Variants in FAM186B observed in about 807,000 individuals in gnomAD.
FAM186B encodes the protein family with sequence similarity 186 member B.
Under a neutral mutation model 83.4 loss-of-function variants are expected in FAM186B, and 68 were observed. The observed-to-expected ratio is 0.81, with a 90% CI of 0.67 to 1.00. The LOEUF (loss-of-function observed/expected upper bound fraction) is 1.00, where lower values mean the gene tolerates loss of function less well. Ranked by LOEUF, FAM186B falls within the 50% of genes least tolerant of loss-of-function variation. The pLI, the probability that FAM186B is intolerant of heterozygous loss-of-function variation, is 0.00. For missense variants in FAM186B, 983 were observed against 1,099.2 expected (o/e 0.89, Z 1.49); for synonymous variants, 389 against 422.0 (o/e 0.92, Z 0.96).
chr12:49,584,701 C>T (rs1408103762), downstream of FAM186B: 6 of 693,192 alleles, frequency 8.7e-6, no homozygotes, highest in Non-Finnish European at 1.3e-5. Flanking sequence ...TGAGCACTTC[C>T]CAGAGCCAAG....
chr12:49,600,406 T>G lies in FAM186B; in HGVS notation c.1234A>C (p.Ser412Arg). The change falls in exon 4 of 7, where the codon AGC (serine) becomes CGC (arginine). Residue 412 changes from serine (S) to arginine (R), a missense_variant. Physicochemically the swap from Ser to Arg is moderately radical, Grantham distance 110 (BLOSUM62 -1). Coordinates refer to ENST00000257894, the MANE Select transcript of FAM186B (RefSeq NM_032130.3). This position sits in a 1 kb window ranked among gnomAD's most constrained non-coding sequence, Gnocchi z 4.3. ...AAGGGTAAAAGCACAGGCTCAAGGCTCTCAGTGTCCTTGCTGCCGAACACA... is the reference window on the plus strand; with the variant it reads ...AAGGGTAAAAGCACAGGCTCAAGGCGCTCAGTGTCCTTGCTGCCGAACACA... ...ADVFGSKDTESLEPVLLPLVD... is the reference protein window; with the variant it reads ...ADVFGSKDTERLEPVLLPLVD... The G allele has an allele frequency of 6.2e-7, 1 of 1,613,964 alleles. No individual in the cohort carries two copies. Among genetic ancestry groups the G allele is most frequent in the Non-Finnish European group, 8.5e-7 (1 of 1,179,912 alleles).
At chr12:49,584,650 A>C, downstream of FAM186B, 1 of 702,050 alleles carries the variant, frequency 1.4e-6, no homozygotes, top group Admixed American at 2.0e-5. Flanking sequence ...TGGGGGAGTA[A>C]CTGAGACAAG....
At chr12:49,594,642 A>C (rs1939670829) in intron 5 of FAM186B, among the ~76,000 whole-genome samples, 1 of 152,234 alleles carries the variant, frequency 6.6e-6, no homozygotes, top group Admixed American at 6.5e-5. Context: ...TGGGAGGCCA[A>C]GGTGGGTGGA....
At chr12:49,613,229 T>C in the FAM186B span, among the ~76,000 whole-genome samples, 1 of 152,118 alleles carries the variant, frequency 6.6e-6, no homozygotes, top group South Asian at 2.1e-4. Flanking sequence ...AATGCCTACC[T>C]CAAAAAGTTA....
Position 49,588,486 on chromosome 12 carries a change from C to T in FAM186B, c.2502G>A (p.Arg834=). The change falls in exon 6 of 7, where the codon AGG becomes AGA. Residue 834 remains arginine (R), a synonymous_variant. Coordinates refer to ENST00000257894, the MANE Select transcript of FAM186B (RefSeq NM_032130.3). ...GPTYKQPFLS[R]HRACVPLQMA... ...TCTGCAGGGGCACACATGCCCGGTG[C>T]CTAGACAGAAAGGGCTGCTTGTAGG... is the stretch of plus-strand genomic sequence containing the variant. 3.7e-6 allele frequency: 6 copies of T among 1,613,328 alleles called. No homozygotes were observed. The South Asian group carries it at 5.5e-5, about 15-fold the overall frequency.
At chr12:49,614,885 C>T in the FAM186B span, among the ~76,000 whole-genome samples, 9 of 152,096 alleles carry the variant, frequency 5.9e-5, no homozygotes, top group Non-Finnish European at 1.2e-4. Flanking sequence ...AATTCCAGCC[C>T]TTTGGGAGGC....
chr12:49,614,105 G>T, the FAM186B span, among the ~76,000 whole-genome samples: 2 of 149,124 alleles, frequency 1.3e-5, no homozygotes, highest in Admixed American at 6.7e-5. Context: ...AGCTGAGATT[G>T]TGCCATTGCA....
At chr12:49,596,201 ATTTCT>A (rs1023030755) in intron 5 of FAM186B, among the ~76,000 whole-genome samples, 1 of 151,610 alleles carries the variant, frequency 6.6e-6, no homozygotes, top group Non-Finnish European at 1.5e-5. Context: ...GTGTCTGTAC[ATTTCT>A]TTTTTTTAAT....
chr12:49,619,109 C>T, the FAM186B span, among the ~76,000 whole-genome samples: 50 of 152,338 alleles, frequency 3.3e-4, no homozygotes, highest in African/African-American at 1.1e-3. Flanking sequence ...CATTACCCAG[C>T]CAAACAACCA....
In FAM186B at chr12:49,601,088, CTG is replaced by C. The variant is rs1939883367; in HGVS notation, c.550_551del (p.Gln184AspfsTer103). 1.3e-6 allele frequency: 2 copies of C among 1,593,218 alleles called. No individual in the cohort carries two copies. The highest frequency in any genetic ancestry group is 2.3e-5 in the South Asian group (2 of 88,726). ...GTGGCTGAGGATGGGATGGAGATGT[CTG>C]TGGGCTTCTTCCCTGCCAGCCCTGC... ...FWQGWQGRSP[Q>X]TSPSHPQPLS... On this transcript the variant is annotated frameshift_variant, in exon 4 of 7. Transcript: ENST00000257894. LOFTEE classifies it high-confidence loss of function.
In FAM186B at chr12:49,605,584, G is replaced by A. The variant is rs1170560792; in HGVS notation, c.-107C>T. ...TTAAGGGCACCAGGGTGTCTCCTGG[G>A]TACCCTCTGCCCAGGCACAGCTCCT... On this transcript the variant is annotated 5_prime_UTR_variant, in exon 1 of 7. Coordinates refer to ENST00000257894, the MANE Select transcript of FAM186B (RefSeq NM_032130.3). 4 of 1,243,804 alleles carry A rather than the reference G, an allele frequency of 3.2e-6. No individual in the cohort carries two copies. The South Asian group carries it at 4.5e-5, about 14-fold the overall frequency. The allele number at this position is 1,243,804 out of a possible 1,614,324, so 77.0% of individuals were successfully genotyped here. A position where few individuals can be genotyped will look rare whatever the true frequency, so the allele number is the denominator to read the frequency against.
At chr12:49,605,186 G>A (rs1317293203) in intron 1 of FAM186B, 196 bp downstream of exon 1, 5 of 1,404,770 alleles carry the variant, frequency 3.6e-6, no homozygotes, top group Non-Finnish European at 4.6e-6. Flanking sequence ...CAGGCGGGTG[G>A]TTGCTTTCAG....
At chr12:49,605,089 T>G in intron 1 of FAM186B, 3 of 998,288 alleles carry the variant, frequency 3.0e-6, no homozygotes, top group Non-Finnish European at 3.9e-6. Context: ...TCCTTTCTCC[T>G]GCCCTCTAAA....
intron 5 of FAM186B, among the ~76,000 whole-genome samples, chr12:49,592,352 A>G (rs1298435811): frequency 6.6e-6 from 1 of 151,976 alleles, no homozygotes; most frequent in African/African-American, 2.4e-5. Context: ...TGCACCTATA[A>G]TCTCAGCTAC....
chr12:49,587,432 G>A (rs1008199754), downstream of FAM186B: 7 of 858,140 alleles, frequency 8.2e-6, no homozygotes, highest in Non-Finnish European at 1.3e-5. Context: ...TGGGGACCCC[G>A]CTTACAGCCG....
chr12:49,600,997 TG>T lies in FAM186B; in HGVS notation c.642del (p.Met215CysfsTer33). ...TMNTKASEVTSMLQELLDSTM... is the reference protein window; with the variant it reads ...TMNTKASEVTXMLQELLDSTM... ...GTAGAGTCCAGGAGCTCCTGCAGCA[TG>T]GACGTCACCTCCGAGGCCTTCGTGT... On this transcript the variant is annotated frameshift_variant, in exon 4 of 7. Transcript: ENST00000257894. LOFTEE classifies it high-confidence loss of function. This position sits in a 1 kb window ranked among gnomAD's most constrained non-coding sequence, Gnocchi z 4.3. The T allele has an allele frequency of 5.6e-6, 9 of 1,614,174 alleles. No individual in the cohort carries two copies. The highest frequency in any genetic ancestry group is 7.6e-6 in the Non-Finnish European group (9 of 1,180,014).
At position 49,594,827 on chromosome 12, in the gene FAM186B, A is replaced by C. The variant is rs192488157; in HGVS notation, c.2364+3928T>G. On this transcript the variant is annotated intron_variant, in intron 5 of 6. Transcript: ENST00000257894. ...GAGGTGGAGGTTGCAGTGAGCCAAG[A>C]TAGCACAACTGCACTCCAGCCTGGG... Among the ~76,000 whole-genome samples the C allele has an allele frequency of 4.4e-3, 665 of 152,178 alleles. 5 individuals are homozygous for C. Among genetic ancestry groups the C allele is most frequent in the South Asian group, 8.3e-3 (40 of 4,834 alleles).
rs80350134 is a variant in FAM186B, at chr12:49,599,389, T to C, written c.2171+80A>G. On this transcript the variant is annotated intron_variant, in intron 4 of 6. Transcript: ENST00000257894. ...TCTCCCCATCCCCCCTTGCCCTGTG[T>C]TCCTTCTCTCCCACTGGGTTTAGGC... The C allele has an allele frequency of 0.024, 34,898 of 1,459,990 alleles. 536 individuals carry two copies. Among genetic ancestry groups the C allele is most frequent in the African/African-American group, 0.06 (4,231 of 70,690 alleles). The allele number at this position is 1,459,990 out of a possible 1,614,324, so 90.4% of individuals were successfully genotyped here.
chr12:49,588,320 G>T, intron 6 of FAM186B, 134 bp downstream of exon 6: 3 of 1,121,046 alleles, frequency 2.7e-6, no homozygotes, highest in Non-Finnish European at 3.8e-6. Flanking sequence ...GAGAAGACAG[G>T]CACTTTGCAA....
Sources: allele counts gnomAD v4.1 joint callset (sites outside exome capture counted in the v4.1 genomes callset), GRCh38; gene constraint gnomAD v4.1.1; non-coding constraint Gnocchi (gnomAD v3.1); transcripts MANE v1.5; gene names NCBI Gene and HGNC (gene_info 2026-07-23, HGNC 2026-07-21).